The following EXOC4 variants were observed in gnomAD, a reference collection of about 807,000 sequenced individuals.
EXOC4 encodes the protein SEC8-like 1.
EXOC4 carries 71 observed loss-of-function variants against 107.2 expected under a neutral mutation model. That is an observed-to-expected ratio of 0.66 (90% CI 0.55 to 0.81). The LOEUF (loss-of-function observed/expected upper bound fraction) is 0.81, where lower values mean the gene tolerates loss of function less well. Among genes scored for constraint, EXOC4 ranks in the 30% least tolerant of loss-of-function variants. The pLI is 0.00. For synonymous variants in EXOC4, 456 were observed against 441.2 expected (o/e 1.03, Z -0.42); for missense variants, 1,108 against 1,189.6 (o/e 0.93, Z 1.01).
chr7:133,527,099 T>C (rs1204490910), intron 9 of EXOC4, among the ~76,000 whole-genome samples: 1 of 152,110 alleles, frequency 6.6e-6, no homozygotes, highest in Admixed American at 6.5e-5. Context: ...CAAACTGTAG[T>C]TGTTTTAAAA....
chr7:134,014,971 T>C (rs1794868191), intron 17 of EXOC4, among the ~76,000 whole-genome samples: 1 of 152,206 alleles, frequency 6.6e-6, no homozygotes, highest in Non-Finnish European at 1.5e-5. Flanking sequence ...GAAGAATTTT[T>C]GGAGAAGGAG....
rs184963938 is a variant in EXOC4, at chr7:133,785,257, A to G, written c.1515-32068A>G. Among the ~76,000 whole-genome samples the G allele has an allele frequency of 2.0e-5, 3 of 150,302 alleles. No homozygotes were observed. In the East Asian group the frequency reaches 6.0e-4, roughly 30 times the overall value. On this transcript the variant is annotated intron_variant, in intron 10 of 17. Transcript: ENST00000253861. ...AATTTCTAGAATTAAAGCACTATTA[A>G]TTTTTCAGTTGCCAGTTGTGATGCC...
In EXOC4 at chr7:133,967,388, C is replaced by G. The variant is rs975241105; in HGVS notation, c.2206+29319C>G. 2.6e-5 allele frequency among the ~76,000 whole-genome samples: 4 copies of G among 152,132 alleles called. No individual in the cohort carries two copies. In the South Asian group the frequency reaches 8.3e-4, roughly 32 times the overall value. Reference sequence around the variant, plus strand: ...CTGCTAGCTTTTGAATTTGCTTACTCTTGCTTCTCTAGTTCTTTTAATTGT... The same window carrying G: ...CTGCTAGCTTTTGAATTTGCTTACTGTTGCTTCTCTAGTTCTTTTAATTGT... On this transcript the variant is annotated intron_variant, in intron 14 of 17. Coordinates refer to ENST00000253861, the MANE Select transcript of EXOC4 (RefSeq NM_021807.4).
chr7:133,580,350 A>ATATC (rs1801227821), intron 9 of EXOC4, among the ~76,000 whole-genome samples: 1 of 152,138 alleles, frequency 6.6e-6, no homozygotes, highest in South Asian at 2.1e-4. Context: ...ATTCTTTTGG[A>ATATC]TATCTACTCA....
chr7:133,379,820 A>G (rs1796572782), intron 7 of EXOC4, among the ~76,000 whole-genome samples: 2 of 152,198 alleles, frequency 1.3e-5, no homozygotes. Context: ...TGTCAGATGT[A>G]TATAATTCCT....
intron 7 of EXOC4, among the ~76,000 whole-genome samples, chr7:133,442,162 A>T (rs569912811): frequency 1.3e-5 from 2 of 152,254 alleles, no homozygotes; most frequent in Non-Finnish European, 2.9e-5. Context: ...AATACCTGCC[A>T]TTGATGGTTT....
chr7:133,984,261 T>C (rs1794063783), intron 14 of EXOC4, among the ~76,000 whole-genome samples: 1 of 152,216 alleles, frequency 6.6e-6, no homozygotes. Context: ...ACTGGCCTCT[T>C]ATCCTGTGGT....
At chr7:133,624,920 G>A (rs4141473) in intron 9 of EXOC4, among the ~76,000 whole-genome samples, 1 of 131,670 alleles carries the variant, frequency 7.6e-6, no homozygotes, top group Non-Finnish European at 1.6e-5. Flanking sequence ...AAAAAAAAAA[G>A]AGTAGGGGGA....
At chr7:133,776,172 C>T (rs1414245697) in intron 10 of EXOC4, among the ~76,000 whole-genome samples, 1 of 152,076 alleles carries the variant, frequency 6.6e-6, no homozygotes, top group African/African-American at 2.4e-5. Flanking sequence ...CTGAGTTTTT[C>T]AGTTTCTTTT....
rs187003108 is a variant in EXOC4 at position 133,671,335 on chromosome 7, A to G, written c.1514+41194A>G. The stretch of plus-strand genomic sequence containing the variant: ...TCACAGCACTTTGAGAGGCCGAGGC[A>G]GGTGGATCACTTGAGGTCAGGAGTT... On this transcript the variant is annotated intron_variant, in intron 10 of 17. Coordinates refer to ENST00000253861, the MANE Select transcript of EXOC4 (RefSeq NM_021807.4). Among the ~76,000 whole-genome samples, 290 of 152,266 alleles carry G rather than the reference A, an allele frequency of 1.9e-3. 1 individual carries two copies. Among genetic ancestry groups the G allele is most frequent in the African/African-American group, 6.5e-3 (270 of 41,544 alleles).
chr7:133,832,678 C>G (rs1797835092), intron 11 of EXOC4, among the ~76,000 whole-genome samples: 1 of 152,120 alleles, frequency 6.6e-6, no homozygotes, highest in Non-Finnish European at 1.5e-5. Flanking sequence ...TATTGATAAA[C>G]CACTGTTTCT....
At chr7:133,305,538 C>A (rs971266044) in intron 3 of EXOC4, among the ~76,000 whole-genome samples, 2 of 152,024 alleles carry the variant, frequency 1.3e-5, no homozygotes, top group Non-Finnish European at 2.9e-5. Context: ...GTTGATTAAA[C>A]CATTAGTACA....
chr7:133,305,105 G>A (rs546306921), intron 3 of EXOC4, among the ~76,000 whole-genome samples: 3 of 149,646 alleles, frequency 2.0e-5, no homozygotes, highest in African/African-American at 7.4e-5. Flanking sequence ...GTCACTTTGA[G>A]TTTCAAAGTG....
At chr7:133,549,237 C>T (rs558890636) in intron 9 of EXOC4, among the ~76,000 whole-genome samples, 4 of 152,276 alleles carry the variant, frequency 2.6e-5, no homozygotes, top group Admixed American at 2.6e-4. Flanking sequence ...AGTGATCTGC[C>T]CGCCTTGGCC....
chr7:133,980,803 AATT>A (rs10567032), intron 14 of EXOC4, among the ~76,000 whole-genome samples: 42,606 of 151,958 alleles, frequency 0.28, 6,177 homozygotes, highest in South Asian at 0.42. Flanking sequence ...ATGAACTGTT[AATT>A]ATTCTAGGGA....
intron 1 of EXOC4, among the ~76,000 whole-genome samples, chr7:133,272,082 C>T (rs1790283385): frequency 6.6e-6 from 1 of 152,154 alleles, no homozygotes; most frequent in African/African-American, 2.4e-5. Flanking sequence ...CGACAACAAC[C>T]AACATTTGTT....
chr7:133,692,147 C>A (rs1794435073), intron 10 of EXOC4, among the ~76,000 whole-genome samples: 1 of 151,910 alleles, frequency 6.6e-6, no homozygotes, highest in Non-Finnish European at 1.5e-5. Context: ...GCAGTAGTAA[C>A]AAAAAAACTA....
intron 7 of EXOC4, among the ~76,000 whole-genome samples, chr7:133,419,893 A>G (rs1012589471): frequency 6.6e-5 from 10 of 151,518 alleles, no homozygotes; most frequent in African/African-American, 2.2e-4. Context: ...GTCTCTCACC[A>G]TGCTGCAGTC....
chr7:133,954,930 C>T lies in EXOC4; in HGVS notation c.2206+16861C>T, dbSNP rs551082147. Among the ~76,000 whole-genome samples, 11 of 152,392 alleles carry T rather than the reference C, an allele frequency of 7.2e-5. No homozygotes were observed. The South Asian group carries it at 1.7e-3, about 23-fold the overall frequency. On this transcript the variant is annotated intron_variant, in intron 14 of 17. Transcript: ENST00000253861. ...AGGCATACCACAAGCAGCTTCCACA[C>T]CTGGCACCAGGGAACACGGTGGTAC...
Sources: gnomAD v4.1 joint callset for allele counts (sites outside exome capture counted in the v4.1 genomes callset) on GRCh38, gnomAD v4.1.1 for gene constraint, MANE v1.5 for transcripts, NCBI Gene and HGNC (gene_info 2026-07-23, HGNC 2026-07-21) for gene names.